Variants in STAMBP observed in about 807,000 individuals in gnomAD.
The protein encoded by STAMBP is STAM-binding protein.
In STAMBP, 31 loss-of-function variants were observed where a neutral mutation model predicts 50.7. That is an observed-to-expected ratio of 0.61 (90% CI 0.46 to 0.83). The LOEUF (loss-of-function observed/expected upper bound fraction) is 0.83. Ranked by LOEUF, STAMBP falls within the 40% of genes least tolerant of loss-of-function variation. The pLI is 0.00. For missense variants in STAMBP, 472 were observed against 518.9 expected, an observed-to-expected ratio of 0.91 and a Z score of 0.88; for synonymous variants, 211 against 192.4, an observed-to-expected ratio of 1.10 and a Z score of -0.80.
chr2:73,829,826 A>G (rs903153500), intron 1 of STAMBP, among the ~76,000 whole-genome samples: 3 of 152,232 alleles, frequency 2.0e-5, no homozygotes, highest in Non-Finnish European at 2.9e-5. Context: ...GGATAGATAA[A>G]TGAAACTGAA....
At chr2:73,831,240 T>A (rs1573229766) in intron 2 of STAMBP, among the ~76,000 whole-genome samples, 181 bp downstream of exon 2, 2 of 152,276 alleles carry the variant, frequency 1.3e-5, no homozygotes, top group East Asian at 3.8e-4. Context: ...GTTATTTTCA[T>A]GACTCAGTAA....
chr2:73,847,242 A>G (rs1676226225), intron 4 of STAMBP, 145 bp from the exon 5 acceptor site: 1 of 998,430 alleles, frequency 1.0e-6, no homozygotes, highest in Admixed American at 2.8e-5. Context: ...GTATAAAGAT[A>G]CTGAGGAAAG....
intron 7 of STAMBP, among the ~76,000 whole-genome samples, chr2:73,856,783 C>A (rs1206687737): frequency 1.3e-5 from 2 of 152,228 alleles, no homozygotes; most frequent in Non-Finnish European, 2.9e-5. Flanking sequence ...CTGTCTCCAA[C>A]CCTGAGATGC....
intron 2 of STAMBP, 139 bp from the exon 3 acceptor site, chr2:73,844,674 C>A (rs531992335): frequency 8.8e-5 from 54 of 616,532 alleles, no homozygotes; most frequent in Admixed American, 5.8e-4. Context: ...CATGGCCCAG[C>A]TGGGTGTATT....
rs889850807 is a variant in STAMBP, at chr2:73,860,988, T to C, written c.1218+837T>C. ...CTAAAACAAAGACTTCATGGAATGATGGTTTTCTGCTGAGCGTGAGGAAGA... is the reference window on the plus strand; with the variant it reads ...CTAAAACAAAGACTTCATGGAATGACGGTTTTCTGCTGAGCGTGAGGAAGA... On this transcript the variant is annotated intron_variant, in intron 9 of 9. Coordinates refer to ENST00000394070, the MANE Select transcript of STAMBP (RefSeq NM_213622.4). Among the ~76,000 whole-genome samples, 4 of 152,226 alleles carry C rather than the reference T, an allele frequency of 2.6e-5. No individual in the cohort carries two copies. The East Asian group carries it at 7.7e-4, about 29-fold the overall frequency.
At position 73,866,493 on chromosome 2, in the gene STAMBP, A is replaced by G. The variant is rs1265938276; in HGVS notation, c.*4234A>G. On this transcript the variant is annotated 3_prime_UTR_variant, in exon 10 of 10. Transcript: ENST00000394070. ...TTATGCACTGTGTAACATGCCTTGC[A>G]GTCAGTATAGGCACTTAACCTTATT... 1 of 152,234 alleles carries G rather than the reference A, an allele frequency of 6.6e-6. No individual in the cohort carries two copies. The highest frequency in any genetic ancestry group is 1.5e-5 in the Non-Finnish European group (1 of 68,046). 9.4% of individuals were successfully genotyped at this position (152,234 alleles called of 1,614,324 possible). A position where few individuals can be genotyped will look rare whatever the true frequency, so the allele number is the denominator to read the frequency against.
downstream of STAMBP, chr2:73,870,377 T>C (rs1558609839): frequency 6.6e-6 from 1 of 152,270 alleles, no homozygotes; most frequent in Non-Finnish European, 1.5e-5. Flanking sequence ...GAGAAAGAAC[T>C]GACCTAAAGA....
chr2:73,840,842 T>TC (rs749091370), intron 2 of STAMBP, among the ~76,000 whole-genome samples: 3 of 152,066 alleles, frequency 2.0e-5, no homozygotes, highest in Non-Finnish European at 4.4e-5. Flanking sequence ...GCTTCCATTT[T>TC]CCCTCCCTTA....
chr2:73,845,562 C>G (rs974142675), intron 4 of STAMBP, among the ~76,000 whole-genome samples: 3 of 151,836 alleles, frequency 2.0e-5, no homozygotes, highest in African/African-American at 4.8e-5. Flanking sequence ...GTTTTTAGAT[C>G]AGAGAATTTG....
Position 73,862,294 on chromosome 2 carries a change from A to C in STAMBP, c.*35A>C. The C allele has an allele frequency of 3.1e-6, 5 of 1,592,996 alleles. No homozygotes were observed. Among genetic ancestry groups the C allele is most frequent in the Non-Finnish European group, 4.3e-6 (5 of 1,169,518 alleles). ...TCCAACACCTTCCAAGAACAACAAA[A>C]CCATATCAGTGTACTGTAGCCCCTT... On this transcript the variant is annotated 3_prime_UTR_variant, in exon 10 of 10. Transcript: ENST00000394070.
At chr2:73,851,918 G>T (rs1477326553) in intron 7 of STAMBP, among the ~76,000 whole-genome samples, 1 of 152,176 alleles carries the variant, frequency 6.6e-6, no homozygotes, top group African/African-American at 2.4e-5. Context: ...GGGATTACAG[G>T]CATGAGCCAC....
chr2:73,871,488 C>T (rs1031283017), downstream of STAMBP, among the ~76,000 whole-genome samples: 1 of 150,266 alleles, frequency 6.7e-6, no homozygotes, highest in Non-Finnish European at 1.5e-5. Context: ...GCAGAGGTTG[C>T]AGTGAGCCGA....
Position 73,866,938 on chromosome 2 carries a change from C to G in STAMBP, c.*4679C>G, listed in dbSNP as rs1678955613. 6.6e-6 allele frequency: 1 copy of G among 152,230 alleles called. No individual in the cohort carries two copies. Among genetic ancestry groups the G allele is most frequent in the African/African-American group, 2.4e-5 (1 of 41,424 alleles). The allele number at this position is 152,230 out of a possible 1,614,324, so 9.4% of individuals were successfully genotyped here. ...ATCTGGTGGTTAGCAGAGGCCTTTC[C>G]TGACAACCCCATTTTAAGCACCTCT... On this transcript the variant is annotated 3_prime_UTR_variant, in exon 10 of 10. Transcript: ENST00000394070.
At position 73,845,081 on chromosome 2, in the gene STAMBP, G is replaced by T. The variant is rs1399732503; in HGVS notation, c.280-86G>T. The T allele has an allele frequency of 1.8e-5, 29 of 1,576,488 alleles. No individual in the cohort carries two copies. In the East Asian group the frequency reaches 6.5e-4, roughly 35 times the overall value. ...ATTTTAAATCATTTTGGGAAATGTT[G>T]CAGTCACCAACTTGACTTAAGTCTT... On this transcript the variant is annotated intron_variant, in intron 3 of 9. Coordinates refer to ENST00000394070, the MANE Select transcript of STAMBP (RefSeq NM_213622.4).
At chr2:73,869,195 T>G (rs1347207841), downstream of STAMBP, among the ~76,000 whole-genome samples, 1 of 152,218 alleles carries the variant, frequency 6.6e-6, no homozygotes, top group Non-Finnish European at 1.5e-5. Flanking sequence ...CACTAAAAGA[T>G]ACATTTTAAA....
At chr2:73,832,553 TAGA>T (rs1674096894) in intron 2 of STAMBP, among the ~76,000 whole-genome samples, 1 of 152,144 alleles carries the variant, frequency 6.6e-6, no homozygotes, top group South Asian at 2.1e-4. Flanking sequence ...AGTAGTTTCT[TAGA>T]TATCTTCCAA....
chr2:73,869,051 G>A (rs13397133), downstream of STAMBP, among the ~76,000 whole-genome samples: 22,456 of 152,098 alleles, frequency 0.15, 2,194 homozygotes, highest in East Asian at 0.3. Flanking sequence ...AACCAATGCA[G>A]TGAAGCAGGA....
chr2:73,836,437 G>A lies in STAMBP; in HGVS notation c.203+5378G>A, dbSNP rs185033300. ...CCCGCGCTGCCCTCAAGGTGGGGTG[G>A]CTGACCACAGACCCCTCTGGTGCCA... On this transcript the variant is annotated intron_variant, in intron 2 of 9. Transcript: ENST00000394070. Among the ~76,000 whole-genome samples the A allele has an allele frequency of 1.7e-3, 254 of 152,342 alleles. 2 individuals carry two copies. Among genetic ancestry groups the A allele is most frequent in the Non-Finnish European group, 1.1e-3 (74 of 68,024 alleles).
chr2:73,861,064 A>G (rs1194564581), intron 9 of STAMBP, among the ~76,000 whole-genome samples: 1 of 152,200 alleles, frequency 6.6e-6, no homozygotes, highest in African/African-American at 2.4e-5. Flanking sequence ...TGGAATGTCT[A>G]AGTACTAGGA....
Sources: allele counts gnomAD v4.1 joint callset (sites outside exome capture counted in the v4.1 genomes callset), GRCh38; gene constraint gnomAD v4.1.1; transcripts MANE v1.5; gene names NCBI Gene and HGNC (gene_info 2026-07-23, HGNC 2026-07-21).